ULK4: variants seen among roughly 807,000 people sequenced by gnomAD.
The protein encoded by ULK4 is inactive serine/threonine-protein kinase ULK4.
Under a neutral mutation model 160.6 loss-of-function variants are expected in ULK4, and 133 were observed. That is an observed-to-expected ratio of 0.83 (90% CI 0.72 to 0.96). The LOEUF (loss-of-function observed/expected upper bound fraction) is 0.96. ULK4 is among the 40% of genes least tolerant of loss of function. ULK4 has a pLI of 0.00. For missense variants in ULK4, 1,580 were observed against 1,499.5 expected, an observed-to-expected ratio of 1.05 and a Z score of -0.89; for synonymous variants, 534 against 539.8, an observed-to-expected ratio of 0.99 and a Z score of 0.15.
At chr3:41,896,441 A>G (rs1459987572) in intron 15 of ULK4, among the ~76,000 whole-genome samples, 2 of 152,086 alleles carry the variant, frequency 1.3e-5, no homozygotes, top group African/African-American at 4.8e-5. Context: ...TTTAGTAGAG[A>G]CAGGGTTTCA....
intron 31 of ULK4, among the ~76,000 whole-genome samples, chr3:41,572,723 G>A (rs930602159): frequency 3.4e-5 from 5 of 146,556 alleles, no homozygotes; most frequent in Admixed American, 6.9e-5. Flanking sequence ...CCGAGATCGC[G>A]CCACTGCACT....
chr3:41,547,220 T>C (rs2086894064), intron 32 of ULK4, among the ~76,000 whole-genome samples: 1 of 152,214 alleles, frequency 6.6e-6, no homozygotes, highest in African/African-American at 2.4e-5. Context: ...CTGACCATAG[T>C]GCAGTAAAAC....
chr3:41,376,832 A>T lies in ULK4; in HGVS notation c.3678+21247T>A, dbSNP rs919209216. Among the ~76,000 whole-genome samples the T allele has an allele frequency of 4.0e-5, 6 of 149,960 alleles. 1 individual carries two copies. The highest frequency in any genetic ancestry group is 7.5e-5 in the African/African-American group (3 of 40,082). ...ATTTACAGATTCAATGCCATCCCCA[A>T]CAAGCTACCAATGACTTTCTTCACA... On this transcript the variant is annotated intron_variant, in intron 35 of 36. Coordinates refer to ENST00000301831, the MANE Select transcript of ULK4 (RefSeq NM_017886.4).
At position 41,949,981 on chromosome 3, in the gene ULK4, C is replaced by T. The variant is rs141906857; in HGVS notation, c.138+4641G>A. Among the ~76,000 whole-genome samples, 852 of 152,004 alleles carry T rather than the reference C, an allele frequency of 5.6e-3. 6 individuals carry two copies. Among genetic ancestry groups the T allele is most frequent in the African/African-American group, 0.019 (791 of 41,454 alleles). The stretch of plus-strand genomic sequence containing the variant: ...GAACTTCTGGGCTCAAGTGATCTAC[C>T]CACCTTGGTCTCTCAAAGTGCTGGG... On this transcript the variant is annotated intron_variant, in intron 2 of 36. Transcript: ENST00000301831.
chr3:41,518,866 C>T (rs2085837955), intron 32 of ULK4, among the ~76,000 whole-genome samples: 1 of 152,208 alleles, frequency 6.6e-6, no homozygotes, highest in South Asian at 2.1e-4. Flanking sequence ...TGTTTCAGCA[C>T]ACTATGAAAG....
At chr3:41,700,556 T>C (rs1362200801) in intron 27 of ULK4, among the ~76,000 whole-genome samples, 1 of 152,124 alleles carries the variant, frequency 6.6e-6, no homozygotes. Context: ...TGAGGTACTG[T>C]CCCAATTGGC....
At chr3:41,415,398 TTGTGCCCCTACAAACC>T (rs1371904887) in intron 34 of ULK4, among the ~76,000 whole-genome samples, 3 of 152,218 alleles carry the variant, frequency 2.0e-5, no homozygotes, top group East Asian at 1.9e-4. Flanking sequence ...TCCTACAATC[TTGTGCCCCTACAAACC>T]TGTGCCCCTA....
chr3:41,794,685 A>AAAAAAAAAAAAAAAAAAAAAAAAAAAC (rs1553654846), intron 20 of ULK4, among the ~76,000 whole-genome samples: 1 of 129,028 alleles, frequency 7.8e-6, no homozygotes, highest in Admixed American at 7.6e-5. Flanking sequence ...AAAAAAAAAA[A>AAAAAAAAAAAAAAAAAAAAAAAAAAAC]ACACAGAAAA....
At chr3:41,954,928 A>T (rs1177518136) in intron 1 of ULK4, 121 bp from the exon 2 acceptor site, 1 of 626,784 alleles carries the variant, frequency 1.6e-6, no homozygotes, top group East Asian at 3.0e-5. Context: ...AAATTCAGAA[A>T]ATTCACTTAC....
chr3:41,420,814 T>TAA (rs540329844), intron 34 of ULK4, among the ~76,000 whole-genome samples: 12,343 of 135,268 alleles, frequency 0.091, 1,001 homozygotes, highest in East Asian at 0.34. Flanking sequence ...TCAGTATTAT[T>TAA]AAAAAAAAAA....
intron 30 of ULK4, among the ~76,000 whole-genome samples, chr3:41,643,575 T>C (rs1243698539): frequency 1.3e-5 from 2 of 152,250 alleles, no homozygotes; most frequent in African/African-American, 4.8e-5. Flanking sequence ...ACCAGTACCG[T>C]GCTGTTTTGG....
intron 35 of ULK4, among the ~76,000 whole-genome samples, chr3:41,273,500 T>C (rs952401438): frequency 2.0e-5 from 3 of 152,178 alleles, no homozygotes; most frequent in African/African-American, 7.2e-5. Context: ...ATCCATACAT[T>C]TCCAGGGTTC....
intron 34 of ULK4, among the ~76,000 whole-genome samples, chr3:41,435,934 C>G (rs1349853158): frequency 6.8e-6 from 1 of 146,014 alleles, no homozygotes; most frequent in Admixed American, 7.1e-5. Context: ...GGCAACAGAG[C>G]AAGACTCCGT....
rs1198691694 is a variant in ULK4, at chr3:41,398,091, A to G, written c.3666T>C (p.Ile1222=). 6.2e-7 allele frequency: 1 copy of G among 1,612,362 alleles called. No homozygotes were observed. Among genetic ancestry groups the G allele is most frequent in the East Asian group, 2.2e-5 (1 of 44,820 alleles). The part of the protein sequence containing the change: ...DPKEQKLLLR[I]LRRMITSNEK... ...TGTGTGAACTCACCATTCTTCTGAGAATCCTTAACAGAAGCTTCTGCTCCT... is the reference window on the plus strand; with the variant it reads ...TGTGTGAACTCACCATTCTTCTGAGGATCCTTAACAGAAGCTTCTGCTCCT... Residue 1222 remains isoleucine (I), a synonymous_variant, in exon 35 of 37, where the codon ATT becomes ATC. Transcript: ENST00000301831.
chr3:41,754,733 G>C (rs146263623), intron 21 of ULK4, among the ~76,000 whole-genome samples: 165 of 152,244 alleles, frequency 1.1e-3, no homozygotes, highest in African/African-American at 3.9e-3. Flanking sequence ...AATGAATATG[G>C]AAAAATTAAG....
chr3:41,850,346 C>T (rs1328158226), intron 17 of ULK4, among the ~76,000 whole-genome samples: 2 of 152,178 alleles, frequency 1.3e-5, no homozygotes, highest in African/African-American at 2.4e-5. Flanking sequence ...ATGGCTGGGT[C>T]AAATGGTATT....
Position 41,295,432 on chromosome 3 carries a change from A to G in ULK4, c.3679-45858T>C. 1.5e-5 allele frequency among the ~76,000 whole-genome samples: 2 copies of G among 134,172 alleles called. 1 individual carries two copies. Among genetic ancestry groups the G allele is most frequent in the Non-Finnish European group, 3.4e-5 (2 of 59,540 alleles). The allele number at this position is 134,172 out of a possible 152,430, so 88.0% of individuals were successfully genotyped here. On this transcript the variant is annotated intron_variant, in intron 35 of 36. Transcript: ENST00000301831. ...CGGGTATGACAATGACTTTTTAGATACAACACCAAAGACATGATCCATGAA... is the reference window on the plus strand; with the variant it reads ...CGGGTATGACAATGACTTTTTAGATGCAACACCAAAGACATGATCCATGAA...
intron 22 of ULK4, among the ~76,000 whole-genome samples, chr3:41,753,181 T>C (rs1406255973): frequency 2.6e-5 from 4 of 152,172 alleles, no homozygotes; most frequent in South Asian, 2.1e-4. Context: ...ATTACACCAC[T>C]GCACTCCAGC....
chr3:41,437,735 C>A (rs2083068665), intron 34 of ULK4, among the ~76,000 whole-genome samples: 1 of 152,210 alleles, frequency 6.6e-6, no homozygotes, highest in Non-Finnish European at 1.5e-5. Flanking sequence ...AATGCAGGCA[C>A]ATGAGCAGGT....
Sources: allele counts gnomAD v4.1 joint callset (sites outside exome capture counted in the v4.1 genomes callset), GRCh38; gene constraint gnomAD v4.1.1; transcripts MANE v1.5; gene names NCBI Gene and HGNC (gene_info 2026-07-23, HGNC 2026-07-21).